The following CNGB1 variants were observed in gnomAD, a reference collection of about 807,000 sequenced individuals.
CNGB1 encodes cyclic nucleotide gated channel subunit beta 1.
CNGB1 carries 126 observed loss-of-function variants against 151.7 expected under a neutral mutation model. The observed-to-expected ratio is 0.83, with a 90% CI of 0.72 to 0.96. The LOEUF (loss-of-function observed/expected upper bound fraction) is 0.96. Among genes scored for constraint, CNGB1 ranks in the 40% least tolerant of loss-of-function variants. The pLI is 0.00. For synonymous variants in CNGB1, 623 were observed against 635.1 expected (o/e 0.98, Z 0.29); for missense variants, 1,698 against 1,627.0 (o/e 1.04, Z -0.75).
rs751545463 is a variant in CNGB1 at position 57,940,317 on chromosome 16, G to T, written c.1126C>A (p.Leu376Met). ...TGCGACACCACACAGCTATCCAGCA[G>T]CACCCTGTGACCCGGGGCGGGGTGG... ...EEEEEEVTEV[L>M]LDSCVVSQVG... is the part of the protein sequence containing the mutation. Residue 376 changes from leucine to methionine, a missense_variant, in exon 15 of 33, where the codon CTG becomes ATG. Transcript: ENST00000251102. 1.3e-4 allele frequency: 207 copies of T among 1,580,052 alleles called. 1 individual carries two copies. In the South Asian group the frequency reaches 2.4e-3, roughly 18 times the overall value.
At chr16:57,918,964 A>T in intron 20 of CNGB1, 135 bp downstream of exon 20, 1 of 1,500,936 alleles carries the variant, frequency 6.7e-7, no homozygotes, top group Non-Finnish European at 9.0e-7. Flanking sequence ...TTTGAAAGGT[A>T]TAAAAGATCA....
chr16:57,934,624 C>G (rs2149373657), intron 16 of CNGB1, among the ~76,000 whole-genome samples: 1 of 152,174 alleles, frequency 6.6e-6, no homozygotes, highest in South Asian at 2.1e-4. Flanking sequence ...GAGATGATCT[C>G]AGATGGTACA....
intron 2 of CNGB1, 115 bp from the exon 3 acceptor site, chr16:57,964,659 T>A: frequency 2.0e-6 from 2 of 991,384 alleles, no homozygotes; most frequent in South Asian, 2.7e-5. Flanking sequence ...TGAACGACTC[T>A]TTCCTCAGGA....
At chr16:57,940,425 A>AGG in intron 14 of CNGB1, 104 bp from the exon 15 acceptor site, 1 of 1,128,780 alleles carries the variant, frequency 8.9e-7, no homozygotes, top group Non-Finnish European at 1.3e-6. Flanking sequence ...AGCGGAGGGT[A>AGG]CAGAGATGCC....
At chr16:57,963,799 A>T (rs1962321971) in intron 4 of CNGB1, 4 of 358,896 alleles carry the variant, frequency 1.1e-5, no homozygotes, top group Non-Finnish European at 2.1e-5. Flanking sequence ...CCCTGCCCTC[A>T]AGGGGCTAAC....
chr16:57,957,238 G>T (rs1423008683), intron 12 of CNGB1, 103 bp downstream of exon 12: 1 of 1,120,258 alleles, frequency 8.9e-7, no homozygotes, highest in East Asian at 2.4e-5. Context: ...TGTGAGTCCA[G>T]GTCTGGCCAG....
rs1959783769 is a variant in CNGB1 at position 57,882,573 on chromosome 16, G to A, written c.*1591C>T. The stretch of plus-strand genomic sequence containing the variant: ...CATTTGCAAACCTTCAAAGGCCTCT[G>A]AGCAGCTCACATTTTCCTGTAATTT... On this transcript the variant is annotated 3_prime_UTR_variant, in exon 33 of 33. Transcript: ENST00000251102. The A allele has an allele frequency of 6.6e-6, 1 of 152,070 alleles. No individual in the cohort carries two copies. Among genetic ancestry groups the A allele is most frequent in the Admixed American group, 6.5e-5 (1 of 15,276 alleles). The allele number at this position is 152,070 out of a possible 1,614,324, so 9.4% of individuals were successfully genotyped here. A position where few individuals can be genotyped will look rare whatever the true frequency, so the allele number is the denominator to read the frequency against.
Position 57,916,823 on chromosome 16 carries a change from C to G in CNGB1, c.2166+445G>C, listed in dbSNP as rs530626640. The stretch of plus-strand genomic sequence containing the variant: ...TTTTTGCAGGACCCCTGGGAGAAGT[C>G]AATTGCCAGTGGATACCTGTGCTGA... On this transcript the variant is annotated intron_variant, in intron 21 of 32. Transcript: ENST00000251102. Among the ~76,000 whole-genome samples the G allele has an allele frequency of 1.8e-4, 27 of 152,290 alleles. No homozygotes were observed. The South Asian group carries it at 2.1e-3, about 12-fold the overall frequency.
chr16:57,922,455 T>A (rs1171349476), intron 18 of CNGB1, among the ~76,000 whole-genome samples: 1 of 147,128 alleles, frequency 6.8e-6, no homozygotes, highest in African/African-American at 2.6e-5. Flanking sequence ...TGAGATGAAG[T>A]ATTGCTCTTG....
intron 7 of CNGB1, among the ~76,000 whole-genome samples, chr16:57,961,849 C>T (rs1170134190): frequency 1.3e-5 from 2 of 152,112 alleles, no homozygotes; most frequent in African/African-American, 4.8e-5. Context: ...AGTGAAGGAA[C>T]GAATGAATGG....
At chr16:57,955,219 G>C in intron 12 of CNGB1, 1 of 1,535,808 alleles carries the variant, frequency 6.5e-7, no homozygotes, top group Non-Finnish European at 8.7e-7. Context: ...GGAGGGGTTC[G>C]CTGTTCAAAT....
In CNGB1 at chr16:57,961,034, G is replaced by T; in HGVS notation, c.459-119C>A. ...GTGCCCTCCAATCCTGTTCTGCACA[G>T]TGGGGGCCTTGTCCTGGAAACTCTC... On this transcript the variant is annotated intron_variant, in intron 7 of 32. Transcript: ENST00000251102. The T allele has an allele frequency of 3.4e-6, 3 of 878,156 alleles. No homozygotes were observed. In the South Asian group the frequency reaches 4.2e-5, roughly 12 times the overall value. The allele number at this position is 878,156 out of a possible 1,614,324, so 54.4% of individuals were successfully genotyped here.
chr16:57,898,347 G>A (rs1327989374), intron 29 of CNGB1, among the ~76,000 whole-genome samples: 1 of 152,002 alleles, frequency 6.6e-6, no homozygotes, highest in Non-Finnish European at 1.5e-5. Context: ...AACTGCAACA[G>A]GAATGGGAAC....
chr16:57,955,109 C>A, intron 12 of CNGB1: 1 of 1,411,854 alleles, frequency 7.1e-7, no homozygotes, highest in Non-Finnish European at 9.2e-7. Flanking sequence ...ATCTTGCAGG[C>A]TGCCCATGGC....
At chr16:57,897,632 G>A in intron 30 of CNGB1, 89 bp from the exon 31 acceptor site, 1 of 1,592,490 alleles carries the variant, frequency 6.3e-7, no homozygotes, top group East Asian at 2.2e-5. Flanking sequence ...GGAGGACAGT[G>A]GTGGCCCCAC....
chr16:57,936,669 G>A (rs1208078240), intron 16 of CNGB1, among the ~76,000 whole-genome samples: 1 of 152,142 alleles, frequency 6.6e-6, no homozygotes, highest in Non-Finnish European at 1.5e-5. Flanking sequence ...GCGTATGCCT[G>A]TAATCCCAGC....
rs1375559250 is a variant in CNGB1 at position 57,887,908 on chromosome 16, T to C, written c.3409A>G (p.Lys1137Glu). The part of the protein sequence containing the change: ...GKLAHLRARL[K>E]ELAALEAAAK... Reference sequence around the variant, plus strand: ...GCCGCCTCCAGCGCGGCCAGTTCTTTGAGCCGGGCCCGGAGGTGAGCAAGT... The same window carrying C: ...GCCGCCTCCAGCGCGGCCAGTTCTTCGAGCCGGGCCCGGAGGTGAGCAAGT... The change falls in exon 32 of 33, where the codon AAA becomes GAA. Residue 1137 changes from lysine to glutamate, a missense_variant. Lys to Glu is a moderately conservative substitution (Grantham distance 56, BLOSUM62 1). Transcript: ENST00000251102. 6.2e-7 allele frequency: 1 copy of C among 1,614,104 alleles called. No individual in the cohort carries two copies. Among genetic ancestry groups the C allele is most frequent in the Admixed American group, 1.7e-5 (1 of 60,008 alleles).
intron 32 of CNGB1, 73 bp downstream of exon 32, chr16:57,887,782 C>T (rs1326794906): frequency 6.3e-6 from 9 of 1,439,712 alleles, no homozygotes; most frequent in Non-Finnish European, 7.8e-6. Flanking sequence ...GTGGCCCACT[C>T]TTGGAGACCC....
intron 9 of CNGB1, 31 bp downstream of exon 9, chr16:57,960,451 G>C (rs1428503369): frequency 6.2e-7 from 1 of 1,610,646 alleles, no homozygotes; most frequent in East Asian, 2.2e-5. Context: ...ACCATCCCAG[G>C]CAGCCCCCTC....
Sources: gnomAD v4.1 joint callset for allele counts (sites outside exome capture counted in the v4.1 genomes callset) on GRCh38, gnomAD v4.1.1 for gene constraint, MANE v1.5 for transcripts, NCBI Gene and HGNC (gene_info 2026-07-23, HGNC 2026-07-21) for gene names.